KHDRBS2: variants seen among roughly 807,000 people sequenced by gnomAD.
KHDRBS2 encodes KH RNA binding domain containing, signal transduction associated 2.
Under a neutral mutation model 44.3 loss-of-function variants are expected in KHDRBS2, and 26 were observed. That is an observed-to-expected ratio of 0.59 (90% CI 0.43 to 0.81). The LOEUF is 0.81. KHDRBS2 is among the 40% of genes least tolerant of loss of function. KHDRBS2 has a pLI of 0.00. For missense variants in KHDRBS2, 476 were observed against 433.1 expected (o/e 1.10, Z -0.88); for synonymous variants, 194 against 151.1 (o/e 1.28, Z -2.08).
chr6:61,585,713 T>A, the KHDRBS2 span, among the ~76,000 whole-genome samples: 1 of 152,224 alleles, frequency 6.6e-6, no homozygotes, highest in East Asian at 1.9e-4. Flanking sequence ...CAGCATCTAT[T>A]CTATCTCTTG....
At chr6:61,914,161 G>A (rs1443283362) in intron 4 of KHDRBS2, among the ~76,000 whole-genome samples, 1 of 152,008 alleles carries the variant, frequency 6.6e-6, no homozygotes, top group Non-Finnish European at 1.5e-5. Flanking sequence ...AGGCACTGCA[G>A]TCATCTTTAC....
the KHDRBS2 span, among the ~76,000 whole-genome samples, chr6:61,604,508 C>T: frequency 6.6e-6 from 1 of 152,188 alleles, no homozygotes; most frequent in Non-Finnish European, 1.5e-5. Flanking sequence ...CTCACAGGCC[C>T]ATTCTATTCT....
At chr6:61,571,512 A>G in the KHDRBS2 span, among the ~76,000 whole-genome samples, 10 of 102,922 alleles carry the variant, frequency 9.7e-5, no homozygotes, top group Admixed American at 8.0e-4. Context: ...GTTCATCTAG[A>G]CAGAAAGTCA....
chr6:61,902,788 A>C (rs1804297360), intron 4 of KHDRBS2, among the ~76,000 whole-genome samples: 1 of 152,156 alleles, frequency 6.6e-6, no homozygotes, highest in African/African-American at 2.4e-5. Context: ...GTAGCTCTGC[A>C]TATGTGTGGT....
At chr6:61,977,232 T>C (rs1772862210) in intron 4 of KHDRBS2, among the ~76,000 whole-genome samples, 1 of 152,150 alleles carries the variant, frequency 6.6e-6, no homozygotes, top group African/African-American at 2.4e-5. Flanking sequence ...GTGCTTTCTC[T>C]GTTGAAGACT....
the KHDRBS2 span, among the ~76,000 whole-genome samples, chr6:61,604,900 T>G: frequency 6.6e-6 from 1 of 152,134 alleles, no homozygotes; most frequent in African/African-American, 2.4e-5. Flanking sequence ...CCTTCCCACC[T>G]CTATACAGTC....
chr6:61,956,032 A>C (rs1181223677), intron 4 of KHDRBS2, among the ~76,000 whole-genome samples: 1 of 152,046 alleles, frequency 6.6e-6, no homozygotes, highest in African/African-American at 2.4e-5. Context: ...ATCTCTACTG[A>C]AAATACAAAA....
intron 4 of KHDRBS2, among the ~76,000 whole-genome samples, chr6:61,955,192 ATGTATACATATATATGTATACATATG>A (rs1766411298): frequency 1.4e-5 from 2 of 145,204 alleles, no homozygotes; most frequent in African/African-American, 5.0e-5. Flanking sequence ...ATACGTTTGT[ATGTATACATATATATGTATACATATG>A]TGTATATATA....
intron 6 of KHDRBS2, among the ~76,000 whole-genome samples, chr6:61,869,964 G>GTTTTTTTTTTTTTTTT (rs59518436): frequency 1.7e-4 from 19 of 109,014 alleles, no homozygotes; most frequent in African/African-American, 7.2e-4. Flanking sequence ...CTGCAGGAGT[G>GTTTTTTTTTTTTTTTT]TTTTTTTTTT....
At chr6:61,681,119 A>T (rs1000009440) in intron 8 of KHDRBS2, 59 bp from the exon 9 acceptor site, 29 of 1,143,260 alleles carry the variant, frequency 2.5e-5, no homozygotes, top group African/African-American at 6.1e-5. Flanking sequence ...AAAAATAGTC[A>T]TTTAAGACAC....
chr6:62,135,040 G>C (rs1811205606), intron 2 of KHDRBS2, among the ~76,000 whole-genome samples: 1 of 152,090 alleles, frequency 6.6e-6, no homozygotes, highest in African/African-American at 2.4e-5. Context: ...GATTGATTTT[G>C]GAAAATGAGG....
At chr6:62,003,283 A>AGAAGT (rs1469707230) in intron 3 of KHDRBS2, among the ~76,000 whole-genome samples, 2 of 151,950 alleles carry the variant, frequency 1.3e-5, no homozygotes, top group African/African-American at 4.8e-5. Flanking sequence ...TGTCTTTCAA[A>AGAAGT]AAAGTAAAGT....
chr6:61,905,945 G>A (rs761340350), intron 4 of KHDRBS2, among the ~76,000 whole-genome samples: 2 of 147,166 alleles, frequency 1.4e-5, no homozygotes, highest in Non-Finnish European at 3.0e-5. Flanking sequence ...AACCTCTGCG[G>A]CCCGGGTTCA....
At chr6:62,047,801 G>C (rs1788039947) in intron 3 of KHDRBS2, 77 bp downstream of exon 3, 1 of 861,750 alleles carries the variant, frequency 1.2e-6, no homozygotes, top group Admixed American at 1.7e-5. Flanking sequence ...AGCAGTTCAG[G>C]CATGCTTGTA....
At chr6:62,157,083 C>A (rs1468157246) in intron 2 of KHDRBS2, among the ~76,000 whole-genome samples, 1 of 151,394 alleles carries the variant, frequency 6.6e-6, no homozygotes, top group Non-Finnish European at 1.5e-5. Flanking sequence ...GGGCCGGGTG[C>A]GGTGGCTCAT....
chr6:61,623,345 G>T, the KHDRBS2 span, among the ~76,000 whole-genome samples: 1 of 152,096 alleles, frequency 6.6e-6, no homozygotes, highest in Non-Finnish European at 1.5e-5. Flanking sequence ...TGTCAGTGGT[G>T]GGTAAGTATG....
intron 1 of KHDRBS2, among the ~76,000 whole-genome samples, chr6:62,240,586 C>T (rs1834436943): frequency 6.9e-6 from 1 of 145,866 alleles, no homozygotes; most frequent in Non-Finnish European, 1.5e-5. Flanking sequence ...TACATATATA[C>T]ATAATACATA....
chr6:61,819,704 C>T (rs1178837164), intron 6 of KHDRBS2, among the ~76,000 whole-genome samples: 1 of 151,872 alleles, frequency 6.6e-6, no homozygotes, highest in Non-Finnish European at 1.5e-5. Flanking sequence ...TTTCCTAGCA[C>T]TTAGGTGAAG....
chr6:61,590,974 C>T, the KHDRBS2 span, among the ~76,000 whole-genome samples: 14 of 152,254 alleles, frequency 9.2e-5, no homozygotes, highest in Middle Eastern at 3.4e-3. Context: ...TTATAATTTA[C>T]AATAAGAAAT....
Sources: gnomAD v4.1 joint callset for allele counts (sites outside exome capture counted in the v4.1 genomes callset) on GRCh38, gnomAD v4.1.1 for gene constraint, MANE v1.5 for transcripts, NCBI Gene and HGNC (gene_info 2026-07-23, HGNC 2026-07-21) for gene names.